The following VPS35L variants were observed in gnomAD, a reference collection of about 807,000 sequenced individuals.
VPS35L encodes VPS35 endosomal protein-sorting factor-like.
VPS35L carries 83 observed loss-of-function variants against 133.0 expected under a neutral mutation model. That is an observed-to-expected ratio of 0.62 (90% CI 0.52 to 0.75). The LOEUF (loss-of-function observed/expected upper bound fraction) is 0.75, where lower values mean the gene tolerates loss of function less well. Ranked by LOEUF, VPS35L falls within the 30% of genes least tolerant of loss-of-function variation. The pLI is 0.00. For synonymous variants in VPS35L, 423 were observed against 449.9 expected, an observed-to-expected ratio of 0.94 and a Z score of 0.76; for missense variants, 1,083 against 1,206.8, an observed-to-expected ratio of 0.90 and a Z score of 1.52.
intron 8 of VPS35L, among the ~76,000 whole-genome samples, chr16:19,601,268 G>A (rs1182640615): frequency 6.6e-6 from 1 of 152,120 alleles, no homozygotes; most frequent in African/African-American, 2.4e-5. Context: ...TTCAAAAAAT[G>A]TTAAAACACT....
intron 3 of VPS35L, among the ~76,000 whole-genome samples, chr16:19,570,684 C>G (rs1971333216): frequency 6.6e-6 from 1 of 151,392 alleles, no homozygotes; most frequent in Non-Finnish European, 1.5e-5. Flanking sequence ...GTATTTGGTT[C>G]TCTTACTACC....
intron 7 of VPS35L, among the ~76,000 whole-genome samples, chr16:19,589,951 C>A (rs1971988035): frequency 1.3e-5 from 2 of 152,140 alleles, no homozygotes; most frequent in South Asian, 4.1e-4. Context: ...TGTAAACAGT[C>A]TCTGAGATTT....
intron 7 of VPS35L, chr16:19,582,060 C>T (rs1351648396): frequency 6.1e-6 from 1 of 163,226 alleles, no homozygotes; most frequent in Non-Finnish European, 1.3e-5. Context: ...ATGACGTGTC[C>T]CTAATAAATG....
intron 14 of VPS35L, among the ~76,000 whole-genome samples, chr16:19,619,621 A>G (rs1973013494): frequency 6.6e-6 from 1 of 152,158 alleles, no homozygotes; most frequent in Admixed American, 6.6e-5. Context: ...GTCACAAGGC[A>G]GTCTTCTTTT....
At chr16:19,566,039 G>T (rs940014804) in intron 2 of VPS35L, among the ~76,000 whole-genome samples, 1 of 152,142 alleles carries the variant, frequency 6.6e-6, no homozygotes, top group African/African-American at 2.4e-5. Context: ...TGTCAGCATG[G>T]AGGCTCTGGG....
At chr16:19,669,920 C>T (rs1426612711) in intron 27 of VPS35L, among the ~76,000 whole-genome samples, 1 of 152,166 alleles carries the variant, frequency 6.6e-6, no homozygotes, top group Non-Finnish European at 1.5e-5. Context: ...ATCCACCTGC[C>T]TTGGCCTCCC....
chr16:19,634,292 C>A (rs1048930722), intron 19 of VPS35L, among the ~76,000 whole-genome samples: 1 of 151,744 alleles, frequency 6.6e-6, no homozygotes, highest in Admixed American at 6.6e-5. Context: ...TAAAAATTAG[C>A]CATGCGTGGT....
At chr16:19,640,583 A>G (rs1187999608) in intron 21 of VPS35L, among the ~76,000 whole-genome samples, 1 of 152,254 alleles carries the variant, frequency 6.6e-6, no homozygotes, top group African/African-American at 2.4e-5. Flanking sequence ...TTAGTTATGT[A>G]GCTGACTAAT....
chr16:19,593,556 A>G (rs1408264511), intron 8 of VPS35L, among the ~76,000 whole-genome samples: 1 of 152,210 alleles, frequency 6.6e-6, no homozygotes, highest in Non-Finnish European at 1.5e-5. Flanking sequence ...CTTATGCTGA[A>G]AAGTCCAGGG....
At chr16:19,648,036 C>T (rs1974007374) in intron 24 of VPS35L, among the ~76,000 whole-genome samples, 154 bp downstream of exon 24, 1 of 152,140 alleles carries the variant, frequency 6.6e-6, no homozygotes, top group Non-Finnish European at 1.5e-5. Flanking sequence ...TCACTGTAGC[C>T]TTGAACTCCT....
intron 6 of VPS35L, 184 bp downstream of exon 6, chr16:19,579,312 C>T (rs1037010514): frequency 5.3e-5 from 30 of 562,040 alleles, no homozygotes; most frequent in Non-Finnish European, 8.8e-5. Flanking sequence ...CTCACGGAAG[C>T]CTGACTGGGG....
Position 19,699,408 on chromosome 16 carries a change from A to AT in VPS35L, c.2647-93dup, listed in dbSNP as rs1280708082. 79 of 1,480,156 alleles carry AT rather than the reference A, an allele frequency of 5.3e-5. No individual in the cohort carries two copies. The highest frequency in any genetic ancestry group is 6.5e-5 in the Non-Finnish European group (71 of 1,087,826). 91.7% of individuals were successfully genotyped at this position (1,480,156 alleles called of 1,614,324 possible). On this transcript the variant is annotated intron_variant, in intron 29 of 30. Transcript: ENST00000417362. This position sits in a 1 kb window ranked among gnomAD's most constrained non-coding sequence, Gnocchi z 4.2. ...GCAGAGCTGGCACTGGAACTCAGGCATGACCTACCCCAGAGTCAGCACTGT... is the reference window on the plus strand; with the variant it reads ...GCAGAGCTGGCACTGGAACTCAGGCATTGACCTACCCCAGAGTCAGCACTGT...
intron 21 of VPS35L, among the ~76,000 whole-genome samples, chr16:19,641,441 T>G (rs1192192880): frequency 6.6e-6 from 1 of 151,996 alleles, no homozygotes; most frequent in Non-Finnish European, 1.5e-5. Context: ...ATGATTTCAT[T>G]TACAATATAT....
intron 26 of VPS35L, among the ~76,000 whole-genome samples, chr16:19,655,833 C>T (rs55856517): frequency 0.21 from 32,314 of 152,186 alleles, 4,034 homozygotes; most frequent in Non-Finnish European, 0.27. Context: ...AGTCCCTTCT[C>T]TAGGTAACTT....
chr16:19,610,638 C>G, intron 12 of VPS35L: 1 of 373,166 alleles, frequency 2.7e-6, no homozygotes, highest in Non-Finnish European at 4.8e-6. Flanking sequence ...AATTAGGGGA[C>G]GTTTAAGGTC....
At chr16:19,681,381 T>C (rs945129638) in intron 27 of VPS35L, among the ~76,000 whole-genome samples, 10 of 152,224 alleles carry the variant, frequency 6.6e-5, no homozygotes, top group African/African-American at 2.4e-4. Flanking sequence ...GTTCCAATCA[T>C]GCTGTTCCCC....
chr16:19,668,380 G>A (rs917072472), intron 26 of VPS35L, among the ~76,000 whole-genome samples: 3 of 151,950 alleles, frequency 2.0e-5, no homozygotes, highest in Non-Finnish European at 2.9e-5. Flanking sequence ...CTCCCTCTCC[G>A]TCTTCCCCTC....
intron 8 of VPS35L, among the ~76,000 whole-genome samples, chr16:19,595,400 G>A (rs1259048591): frequency 1.3e-5 from 2 of 152,088 alleles, no homozygotes; most frequent in Non-Finnish European, 2.9e-5. Context: ...TACACTGCTG[G>A]TCCTTGACGT....
At chr16:19,597,014 A>T (rs1278801724) in intron 8 of VPS35L, among the ~76,000 whole-genome samples, 1 of 150,638 alleles carries the variant, frequency 6.6e-6, no homozygotes, top group African/African-American at 2.4e-5. Flanking sequence ...GTGAGACTCT[A>T]TCTCAGAAAA....
Sources: gnomAD v4.1 joint callset for allele counts (sites outside exome capture counted in the v4.1 genomes callset) on GRCh38, gnomAD v4.1.1 for gene constraint, Gnocchi (gnomAD v3.1) non-coding constraint, MANE v1.5 for transcripts, NCBI Gene and HGNC (gene_info 2026-07-23, HGNC 2026-07-21) for gene names.